PRKCB: variants seen among roughly 807,000 people sequenced by gnomAD.
PRKCB encodes protein kinase C beta type.
A neutral mutation model predicts 81.5 loss-of-function variants in PRKCB; 13 were observed. The observed-to-expected ratio is 0.16, with a 90% confidence interval of 0.10 to 0.25. PRKCB has a LOEUF of 0.25. Ranked by LOEUF, PRKCB falls within the 10% of genes least tolerant of loss-of-function variation. The pLI, the probability that PRKCB is intolerant of heterozygous loss-of-function variation, is 1.00. For synonymous variants in PRKCB, 335 were observed against 321.4 expected, an observed-to-expected ratio of 1.04 and a Z score of -0.45; for missense variants, 509 against 875.7, an observed-to-expected ratio of 0.58 and a Z score of 5.29.
intron 7 of PRKCB, among the ~76,000 whole-genome samples, chr16:24,110,846 G>T (rs1003029192): frequency 5.3e-5 from 8 of 151,860 alleles, no homozygotes; most frequent in Non-Finnish European, 1.0e-4. Flanking sequence ...GTTTTGTTTT[G>T]TTTGTTTTTA....
intron 2 of PRKCB, among the ~76,000 whole-genome samples, chr16:23,935,111 C>G (rs1196903003): frequency 2.6e-5 from 4 of 152,106 alleles, no homozygotes; most frequent in Admixed American, 6.6e-5. Context: ...TGGGAACTTC[C>G]CCTCAGGCAT....
At chr16:24,137,884 C>G (rs60296342) in intron 9 of PRKCB, among the ~76,000 whole-genome samples, 3,958 of 152,172 alleles carry the variant, frequency 0.026, 154 homozygotes, top group African/African-American at 0.09. Flanking sequence ...TTGTTTCAAA[C>G]CCCCACCCCA....
chr16:24,005,785 C>T (rs974019088), intron 3 of PRKCB, among the ~76,000 whole-genome samples: 9 of 152,326 alleles, frequency 5.9e-5, no homozygotes, highest in African/African-American at 1.9e-4. Context: ...TCGCTTCCTC[C>T]TCTTGGTGTC....
chr16:23,920,868 A>C (rs1158142655), intron 2 of PRKCB, among the ~76,000 whole-genome samples: 1 of 152,242 alleles, frequency 6.6e-6, no homozygotes, highest in African/African-American at 2.4e-5. Flanking sequence ...CTGCTAATAA[A>C]GACACACCTG....
At chr16:24,045,717 A>T (rs1479901372) in intron 5 of PRKCB, among the ~76,000 whole-genome samples, 1 of 152,098 alleles carries the variant, frequency 6.6e-6, no homozygotes, top group African/African-American at 2.4e-5. Context: ...GCAATTCGGG[A>T]TCTCAGCTTC....
intron 5 of PRKCB, among the ~76,000 whole-genome samples, chr16:24,072,763 G>A (rs1966127197): frequency 6.6e-6 from 1 of 151,952 alleles, no homozygotes; most frequent in Non-Finnish European, 1.5e-5. Flanking sequence ...TGTATTTTTA[G>A]TAGAGACGGG....
chr16:24,072,262 T>C lies in PRKCB; in HGVS notation c.530-20529T>C, dbSNP rs116184449. Among the ~76,000 whole-genome samples, 215 of 152,004 alleles carry C rather than the reference T, an allele frequency of 1.4e-3. 2 individuals carry two copies. Among genetic ancestry groups the C allele is most frequent in the African/African-American group, 4.9e-3 (203 of 41,464 alleles). On this transcript the variant is annotated intron_variant, in intron 5 of 16. Transcript: ENST00000643927. ...TCTCCCAGCCCCTGGCAACCATCAA[T>C]CTGCTTTTGTTTTTAATTTTTTTGA...
At chr16:24,146,198 C>A (rs572739412) in intron 9 of PRKCB, among the ~76,000 whole-genome samples, 1 of 152,162 alleles carries the variant, frequency 6.6e-6, no homozygotes, top group Non-Finnish European at 1.5e-5. Context: ...AGGAACCAAC[C>A]CTGCCAGCAC....
chr16:23,989,513 T>A (rs190394716), intron 3 of PRKCB, among the ~76,000 whole-genome samples: 10 of 152,276 alleles, frequency 6.6e-5, no homozygotes, highest in African/African-American at 1.7e-4. Context: ...GTGCAAAAAA[T>A]TTTTGTTTTA....
chr16:24,003,510 A>G (rs895991863), intron 3 of PRKCB, among the ~76,000 whole-genome samples: 10 of 151,464 alleles, frequency 6.6e-5, no homozygotes, highest in African/African-American at 2.4e-4. Flanking sequence ...TCAGCCTCCC[A>G]AGTAGCTGGG....
intron 2 of PRKCB, among the ~76,000 whole-genome samples, chr16:23,940,106 A>C (rs1244023938): frequency 6.6e-6 from 1 of 152,244 alleles, no homozygotes; most frequent in East Asian, 1.9e-4. Context: ...GATGTTCTAC[A>C]TCATTGGCTT....
chr16:23,842,246 C>T (rs1962281043), intron 2 of PRKCB, among the ~76,000 whole-genome samples: 1 of 152,140 alleles, frequency 6.6e-6, no homozygotes, highest in Non-Finnish European at 1.5e-5. Flanking sequence ...CCCCCAGCAG[C>T]AACTTTGGTC....
chr16:24,121,702 G>T (rs542946641), intron 8 of PRKCB, among the ~76,000 whole-genome samples: 2 of 152,290 alleles, frequency 1.3e-5, no homozygotes, highest in African/African-American at 4.8e-5. Flanking sequence ...ATGAATGAAT[G>T]AATCTTCCCT....
intron 5 of PRKCB, among the ~76,000 whole-genome samples, chr16:24,080,529 G>A (rs958867648): frequency 1.3e-5 from 2 of 152,054 alleles, no homozygotes; most frequent in Admixed American, 1.3e-4. Context: ...GGGAGCAGGA[G>A]GATAATGAGC....
intron 2 of PRKCB, among the ~76,000 whole-genome samples, chr16:23,877,887 G>T (rs1385340920): frequency 1.3e-5 from 2 of 151,282 alleles, no homozygotes; most frequent in Non-Finnish European, 2.9e-5. Context: ...ACACTGGAGT[G>T]CAGTGGCATG....
chr16:23,993,257 T>A (rs1487825831), intron 3 of PRKCB, among the ~76,000 whole-genome samples: 1 of 152,162 alleles, frequency 6.6e-6, no homozygotes, highest in Non-Finnish European at 1.5e-5. Context: ...GGAAGTAACA[T>A]GAAGTTGAAT....
At chr16:23,838,102 C>T (rs938137374) in intron 2 of PRKCB, among the ~76,000 whole-genome samples, 5 of 152,158 alleles carry the variant, frequency 3.3e-5, no homozygotes, top group Admixed American at 2.0e-4. Flanking sequence ...CCCCCTCCCC[C>T]GTCTTTGGGG....
intron 2 of PRKCB, among the ~76,000 whole-genome samples, chr16:23,948,251 G>T (rs996423173): frequency 6.6e-6 from 1 of 152,154 alleles, no homozygotes; most frequent in Non-Finnish European, 1.5e-5. Context: ...CTGTGGTCAA[G>T]ATGTTTCTTC....
chr16:23,842,789 A>G (rs555956249), intron 2 of PRKCB, among the ~76,000 whole-genome samples: 5 of 152,358 alleles, frequency 3.3e-5, no homozygotes, highest in South Asian at 2.1e-4. Flanking sequence ...GTTTTCATCA[A>G]TATCAATCCT....
Sources: gnomAD v4.1 joint callset for allele counts (sites outside exome capture counted in the v4.1 genomes callset) on GRCh38, gnomAD v4.1.1 for gene constraint, MANE v1.5 for transcripts, NCBI Gene and HGNC (gene_info 2026-07-23, HGNC 2026-07-21) for gene names.